Variants in TOR1AIP2 observed in about 807,000 individuals in gnomAD.
TOR1AIP2 encodes the protein torsin 1A interacting protein 2.
A neutral mutation model predicts 32.6 loss-of-function variants in TOR1AIP2; 20 were observed. The ratio of observed to expected loss-of-function variants is 0.61; its 90% CI spans 0.43 to 0.89. The LOEUF is 0.89. Ranked by LOEUF, TOR1AIP2 falls within the 40% of genes least tolerant of loss-of-function variation. The probability of loss-of-function intolerance (pLI) is 0.00; values close to 1 mark genes in which losing one functional copy is unlikely to be tolerated. For synonymous variants in TOR1AIP2, 214 were observed against 210.8 expected, an observed-to-expected ratio of 1.02 and a Z score of -0.13; for missense variants, 456 against 553.8, an observed-to-expected ratio of 0.82 and a Z score of 1.77.
intron 4 of TOR1AIP2, 50 bp from the exon 5 acceptor site, chr1:179,851,413 T>C (rs1696113128): frequency 7.3e-7 from 1 of 1,367,210 alleles, no homozygotes; most frequent in African/African-American, 1.5e-5. Context: ...TCCCCATAAA[T>C]TTATATTTTA....
chr1:179,861,176 T>TA, intron 3 of TOR1AIP2: 1 of 985,448 alleles, frequency 1.0e-6, no homozygotes, highest in South Asian at 4.7e-5. Context: ...ACTATAAAAA[T>TA]AGAGACGAGT....
Position 179,845,765 on chromosome 1 carries a change from T to A in TOR1AIP2, c.*306A>T. The stretch of plus-strand genomic sequence containing the variant: ...CTGTAGTTACTCTAAGAAGTAAGAG[T>A]ATCTTCCTGTGCAATGTTGCTATAT... On this transcript the variant is annotated 3_prime_UTR_variant, in exon 7 of 7. Transcript: ENST00000609928. 1 of 236,842 alleles carries A rather than the reference T, an allele frequency of 4.2e-6. No individual in the cohort carries two copies. Among genetic ancestry groups the A allele is most frequent in the South Asian group, 1.2e-4 (1 of 8,018 alleles). 14.7% of individuals were successfully genotyped at this position (236,842 alleles called of 1,614,324 possible). A position where few individuals can be genotyped will look rare whatever the true frequency, so the allele number is the denominator to read the frequency against.
At chr1:179,863,943 C>T in intron 3 of TOR1AIP2, 17 of 985,406 alleles carry the variant, frequency 1.7e-5, no homozygotes, top group Non-Finnish European at 1.9e-5. Flanking sequence ...AAGAAAGATG[C>T]TTCCTCTAGA....
chr1:179,859,969 T>C, intron 3 of TOR1AIP2: 1 of 605,254 alleles, frequency 1.7e-6, no homozygotes, highest in Non-Finnish European at 2.1e-6. Context: ...CCTGAGTAGC[T>C]GGGACTACAG....
chr1:179,864,284 T>C, intron 3 of TOR1AIP2: 2 of 985,060 alleles, frequency 2.0e-6, no homozygotes, highest in Non-Finnish European at 2.4e-6. Flanking sequence ...TATCTATTTA[T>C]ATATATATCT....
intron 3 of TOR1AIP2, among the ~76,000 whole-genome samples, chr1:179,857,250 A>T (rs1359056401): frequency 1.3e-5 from 2 of 152,214 alleles, no homozygotes; most frequent in African/African-American, 4.8e-5. Context: ...TTTCTACTTA[A>T]ATAAAATGTA....
At chr1:179,876,240 A>G (rs1647296998) in intron 2 of TOR1AIP2, 1 of 152,230 alleles carries the variant, frequency 6.6e-6, no homozygotes, top group Non-Finnish European at 1.5e-5. Context: ...ATTACTTCTT[A>G]GGCAAAAATA....
At position 179,866,567 on chromosome 1, in the gene TOR1AIP2, G is replaced by A. The variant is rs544028220; in HGVS notation, c.-565-713C>T. On this transcript the variant is annotated intron_variant, in intron 2 of 6. Transcript: ENST00000609928. ...ATTACAGGTATGTGCCACCATGCCC[G>A]GCTAATTTTGTATTTTTAGTAGAGA... is the stretch of plus-strand genomic sequence containing the variant. Among the ~76,000 whole-genome samples the A allele has an allele frequency of 4.6e-5, 7 of 152,150 alleles. No homozygotes were observed. In the East Asian group the frequency reaches 9.7e-4, roughly 21 times the overall value.
intron 3 of TOR1AIP2, chr1:179,863,296 A>T (rs1696630081): frequency 1.0e-6 from 1 of 984,678 alleles, no homozygotes; most frequent in Non-Finnish European, 1.2e-6. Context: ...GGCAATGCTA[A>T]CCCTATTCCC....
chr1:179,852,689 T>C lies in TOR1AIP2; in HGVS notation c.-24A>G, dbSNP rs950039341. On this transcript the variant is annotated 5_prime_UTR_variant, in exon 4 of 7. Transcript: ENST00000609928. ...ATGTTTGTGTTCTATCTCTTCAGAG[T>C]TGGGAGGATACTTTTTTTAGTACTT... is the stretch of plus-strand genomic sequence containing the variant. 5.6e-6 allele frequency: 9 copies of C among 1,613,762 alleles called. No homozygotes were observed. Among genetic ancestry groups the C allele is most frequent in the Non-Finnish European group, 6.8e-6 (8 of 1,179,906 alleles).
At chr1:179,860,923 C>A (rs1696503928) in intron 3 of TOR1AIP2, 1 of 985,534 alleles carries the variant, frequency 1.0e-6, no homozygotes, top group South Asian at 4.7e-5. Context: ...GCCATGGACT[C>A]ATTTCTGCCT....
In TOR1AIP2 at chr1:179,859,858, T is replaced by C. The variant is rs564591978; in HGVS notation, c.-147+5578A>G. 3.5e-5 allele frequency: 34 copies of C among 982,752 alleles called. No homozygotes were observed. In the African/African-American group the frequency reaches 5.4e-4, roughly 16 times the overall value. The allele number at this position is 982,752 out of a possible 1,614,324, so 60.9% of individuals were successfully genotyped here. A position where few individuals can be genotyped will look rare whatever the true frequency, so the allele number is the denominator to read the frequency against. ...GTTTTTGTTTTTAGATAAAGGGCCT[T>C]ACTCTGTTGCCCAGGCTGGAGGGCA... On this transcript the variant is annotated intron_variant, in intron 3 of 6. Transcript: ENST00000609928.
At position 179,846,422 on chromosome 1, in the gene TOR1AIP2, C is replaced by G. The variant is rs549400761; in HGVS notation, c.1062G>C (p.Gly354=). The change falls in exon 7 of 7, where the codon GGG becomes GGC. Residue 354 remains glycine (G), a synonymous_variant. Transcript: ENST00000609928. ...CAGCAGCCTTCTGGCCATTCTCAAA[C>G]CCATAGCTCAGCTCCAGGTCAACCA... ...KLLVDLELSY[G]FENGQKAAVV... The G allele has an allele frequency of 3.7e-6, 6 of 1,614,182 alleles. No homozygotes were observed. The South Asian group carries it at 5.5e-5, about 15-fold the overall frequency.
In TOR1AIP2 at chr1:179,868,178, T is replaced by G. The variant is rs1430751161; in HGVS notation, c.-565-2324A>C. The G allele has an allele frequency of 2.0e-5, 3 of 152,298 alleles. 1 individual carries two copies. Among genetic ancestry groups the G allele is most frequent in the Admixed American group, 2.0e-4 (3 of 15,292 alleles). 9.4% of individuals were successfully genotyped at this position (152,298 alleles called of 1,614,324 possible). Reference sequence around the variant, plus strand: ...ATCACCACCTGAAACACAGGACTTCTTGGTTATATCCCATCCCCTTAGCCT... The same window carrying G: ...ATCACCACCTGAAACACAGGACTTCGTGGTTATATCCCATCCCCTTAGCCT... On this transcript the variant is annotated intron_variant, in intron 2 of 6. Transcript: ENST00000609928.
chr1:179,852,859 G>A (rs749649685), intron 3 of TOR1AIP2, 48 bp from the exon 4 acceptor site: 18 of 1,260,248 alleles, frequency 1.4e-5, no homozygotes, highest in East Asian at 3.0e-5. Context: ...CCATACAAGG[G>A]AGAAATGCAA....
intron 4 of TOR1AIP2, 107 bp downstream of exon 4, chr1:179,852,525 G>T (rs966706722): frequency 3.4e-6 from 4 of 1,177,346 alleles, no homozygotes; most frequent in African/African-American, 3.0e-5. Flanking sequence ...CACTGAATTA[G>T]CTTTTTTACT....
At position 179,844,348 on chromosome 1, in the gene TOR1AIP2, A is replaced by G. The variant is rs1218725324; in HGVS notation, c.*1723T>C. On this transcript the variant is annotated 3_prime_UTR_variant, in exon 7 of 7. Coordinates refer to ENST00000609928, the MANE Select transcript of TOR1AIP2 (RefSeq NM_001199260.2). ...TCAATTGAGCAATTACTCAATTGTA[A>G]TCTTTTTAGGTATCAGTAAAGATCC... 1 of 152,198 alleles carries G rather than the reference A, an allele frequency of 6.6e-6. No homozygotes were observed. 9.4% of individuals were successfully genotyped at this position (152,198 alleles called of 1,614,324 possible).
chr1:179,877,728 G>C lies in TOR1AIP2; in HGVS notation c.-736C>G, dbSNP rs138825051. 13 of 152,186 alleles carry C rather than the reference G, an allele frequency of 8.5e-5. No homozygotes were observed. Among genetic ancestry groups the C allele is most frequent in the Non-Finnish European group, 1.6e-4 (11 of 68,046 alleles). 9.4% of individuals were successfully genotyped at this position (152,186 alleles called of 1,614,324 possible). ...GAAGTTTTAAATCGTAAAACTGTTA[G>C]TATCAGGAGAGCCCTTCGAGTATTC... On this transcript the variant is annotated 5_prime_UTR_variant, in exon 1 of 7. Coordinates refer to ENST00000609928, the MANE Select transcript of TOR1AIP2 (RefSeq NM_001199260.2).
At chr1:179,850,138 T>A (rs745403200) in intron 5 of TOR1AIP2, among the ~76,000 whole-genome samples, 4 of 151,860 alleles carry the variant, frequency 2.6e-5, no homozygotes, top group Non-Finnish European at 4.4e-5. Context: ...TTGGATATCA[T>A]CTTGTCCAAC....
Sources: gnomAD v4.1 joint callset for allele counts (sites outside exome capture counted in the v4.1 genomes callset) on GRCh38, gnomAD v4.1.1 for gene constraint, MANE v1.5 for transcripts, NCBI Gene and HGNC (gene_info 2026-07-23, HGNC 2026-07-21) for gene names.